CYP7B1: variants seen among roughly 807,000 people sequenced by gnomAD.
The protein encoded by CYP7B1 is cytochrome P450 family 7 subfamily B member 1, also known as cytochrome P450 7B1.
In CYP7B1, 29 loss-of-function variants were observed where a neutral mutation model predicts 42.7. The ratio of observed to expected loss-of-function variants is 0.68; its 90% CI spans 0.51 to 0.93. CYP7B1 has a LOEUF of 0.93. Ranked by LOEUF, CYP7B1 falls within the 40% of genes least tolerant of loss-of-function variation. The pLI is 0.00. For synonymous variants in CYP7B1, 235 were observed against 218.2 expected (o/e 1.08, Z -0.68); for missense variants, 655 against 600.5 (o/e 1.09, Z -0.95).
At chr8:64,730,677 G>A (rs1345654209) in intron 1 of CYP7B1, among the ~76,000 whole-genome samples, 1 of 151,524 alleles carries the variant, frequency 6.6e-6, no homozygotes, top group African/African-American at 2.4e-5. Flanking sequence ...TGTTGTTGGA[G>A]TACTGGTATT....
At chr8:64,688,181 G>C (rs1006843497) in intron 1 of CYP7B1, among the ~76,000 whole-genome samples, 1 of 152,096 alleles carries the variant, frequency 6.6e-6, no homozygotes, top group Non-Finnish European at 1.5e-5. Context: ...ATTCAGGCTG[G>C]GTCACTACAT....
intron 1 of CYP7B1, among the ~76,000 whole-genome samples, chr8:64,661,907 G>A (rs1481233300): frequency 6.6e-6 from 1 of 152,130 alleles, no homozygotes; most frequent in African/African-American, 2.4e-5. Flanking sequence ...GCAAACTGTG[G>A]AGGAAAAAAT....
intron 1 of CYP7B1, among the ~76,000 whole-genome samples, chr8:64,761,116 T>C (rs1182407096): frequency 6.6e-6 from 1 of 152,094 alleles, no homozygotes; most frequent in Non-Finnish European, 1.5e-5. Context: ...TGATATCACT[T>C]ACACGTGGAA....
chr8:64,649,075 T>A (rs1456011889), intron 1 of CYP7B1, among the ~76,000 whole-genome samples: 1 of 152,120 alleles, frequency 6.6e-6, no homozygotes, highest in Non-Finnish European at 1.5e-5. Context: ...GTAAAACAGA[T>A]CTCTAGAACG....
At chr8:64,765,163 A>G (rs573473652) in intron 1 of CYP7B1, among the ~76,000 whole-genome samples, 1 of 152,330 alleles carries the variant, frequency 6.6e-6, no homozygotes, top group South Asian at 2.1e-4. Flanking sequence ...AATTTGGACT[A>G]AACAAGGTCT....
chr8:64,624,430 C>T lies in CYP7B1; in HGVS notation c.232G>A (p.Gly78Ser), dbSNP rs1563367543. ...RFMKTLQKQH[G>S]DTFTVLLGGK... ...CCAAGAAGAACTGTGAAAGTGTCAC[C>T]ATGTTGCTTTTGAAGTGTTTTCATG... The change falls in exon 2 of 6, where the codon GGT becomes AGT. Residue 78 changes from glycine to serine, a missense_variant. Physicochemically the swap from Gly to Ser is moderately conservative, Grantham distance 56. Coordinates refer to ENST00000310193, the MANE Select transcript of CYP7B1 (RefSeq NM_004820.5). 6.2e-7 allele frequency: 1 copy of T among 1,613,122 alleles called. No individual in the cohort carries two copies. The highest frequency in any genetic ancestry group is 8.5e-7 in the Non-Finnish European group (1 of 1,179,802).
At chr8:64,770,641 C>T (rs1804207183) in intron 1 of CYP7B1, among the ~76,000 whole-genome samples, 1 of 152,160 alleles carries the variant, frequency 6.6e-6, no homozygotes, top group African/African-American at 2.4e-5. Context: ...CAAATAAAAA[C>T]CCAAGGATGA....
At chr8:64,753,096 AAAGAG>A (rs1807754135) in intron 1 of CYP7B1, among the ~76,000 whole-genome samples, 1 of 152,232 alleles carries the variant, frequency 6.6e-6, no homozygotes, top group Non-Finnish European at 1.5e-5. Flanking sequence ...CTGAAGATTT[AAAGAG>A]AAGACTTTTA....
chr8:64,783,077 C>T (rs1483760196), intron 1 of CYP7B1, among the ~76,000 whole-genome samples: 7 of 152,136 alleles, frequency 4.6e-5, no homozygotes, highest in Non-Finnish European at 8.8e-5. Context: ...TTGAAAAACA[C>T]AAAAATCCAC....
chr8:64,766,532 C>T (rs973290128), intron 1 of CYP7B1, among the ~76,000 whole-genome samples: 2 of 151,446 alleles, frequency 1.3e-5, no homozygotes, highest in East Asian at 3.9e-4. Flanking sequence ...AAAAAAAAGG[C>T]CACTGCTTTA....
intron 4 of CYP7B1, among the ~76,000 whole-genome samples, chr8:64,612,585 C>T (rs756100830): frequency 1.3e-5 from 2 of 152,112 alleles, no homozygotes; most frequent in Non-Finnish European, 2.9e-5. Flanking sequence ...GGCAGTCTAA[C>T]GTTTCTTCTC....
At chr8:64,637,305 T>C (rs1379113655) in intron 1 of CYP7B1, among the ~76,000 whole-genome samples, 2 of 152,212 alleles carry the variant, frequency 1.3e-5, no homozygotes, top group African/African-American at 4.8e-5. Context: ...CCATATGCTA[T>C]ACCTGCTTCA....
chr8:64,665,545 T>G (rs1232112062), intron 1 of CYP7B1, among the ~76,000 whole-genome samples: 2 of 146,996 alleles, frequency 1.4e-5, no homozygotes, highest in African/African-American at 2.5e-5. Flanking sequence ...TTTTAAGTGT[T>G]TTTTTTTTTG....
Position 64,659,406 on chromosome 8 carries a change from G to A in CYP7B1, c.123-34867C>T, listed in dbSNP as rs201578673. Among the ~76,000 whole-genome samples the A allele has an allele frequency of 2.2e-4, 33 of 152,260 alleles. No individual in the cohort carries two copies. The East Asian group carries it at 6.2e-3, about 28-fold the overall frequency. ...AGCATCCTTTAAAATAGGCCGTGCA[G>A]TATTCCCCTGAATAAATATAAATAG... On this transcript the variant is annotated intron_variant, in intron 1 of 5. Coordinates refer to ENST00000310193, the MANE Select transcript of CYP7B1 (RefSeq NM_004820.5).
chr8:64,766,981 A>T (rs918328916), intron 1 of CYP7B1, among the ~76,000 whole-genome samples: 3 of 152,210 alleles, frequency 2.0e-5, no homozygotes, highest in African/African-American at 7.2e-5. Context: ...ACAGGCAGTC[A>T]CTAGATACTT....
At chr8:64,617,897 A>G (rs1805471550) in intron 2 of CYP7B1, among the ~76,000 whole-genome samples, 2 of 151,372 alleles carry the variant, frequency 1.3e-5, no homozygotes, top group South Asian at 4.2e-4. Context: ...ATGAATATAC[A>G]TGTGCTATGA....
intron 1 of CYP7B1, among the ~76,000 whole-genome samples, chr8:64,690,023 A>G (rs1376148553): frequency 1.3e-5 from 2 of 152,216 alleles, no homozygotes; most frequent in Non-Finnish European, 2.9e-5. Context: ...GAATATTCCA[A>G]TGCTAGATAG....
At chr8:64,781,595 A>T (rs1256639157) in intron 1 of CYP7B1, among the ~76,000 whole-genome samples, 1 of 152,158 alleles carries the variant, frequency 6.6e-6, no homozygotes, top group Non-Finnish European at 1.5e-5. Context: ...TATTTCTCAA[A>T]TCATATAACT....
At chr8:64,586,715 C>A (rs115741206), downstream of CYP7B1, among the ~76,000 whole-genome samples, 376 of 152,336 alleles carry the variant, frequency 2.5e-3, 1 homozygote, top group African/African-American at 8.1e-3. Flanking sequence ...GAATAGGTTT[C>A]TTTCAATTAA....
Sources: allele counts gnomAD v4.1 joint callset (sites outside exome capture counted in the v4.1 genomes callset), GRCh38; gene constraint gnomAD v4.1.1; transcripts MANE v1.5; gene names NCBI Gene and HGNC (gene_info 2026-07-23, HGNC 2026-07-21).